The following WNT7A variants were observed in gnomAD, a reference collection of about 807,000 sequenced individuals.
WNT7A encodes the protein Wnt family member 7A.
A neutral mutation model predicts 28.2 loss-of-function variants in WNT7A; 16 were observed. The ratio of observed to expected loss-of-function variants is 0.57; its 90% CI spans 0.38 to 0.86. WNT7A has a LOEUF of 0.86. Ranked by LOEUF, WNT7A falls within the 40% of genes least tolerant of loss-of-function variation. The pLI, the probability that WNT7A is intolerant of heterozygous loss-of-function variation, is 0.00. For missense variants in WNT7A, 411 were observed against 489.7 expected (o/e 0.84, Z 1.52); for synonymous variants, 190 against 195.9 (o/e 0.97, Z 0.25).
chr3:13,863,610 C>T (rs1413025565), intron 2 of WNT7A: 12 of 151,986 alleles, frequency 7.9e-5, no homozygotes, highest in Admixed American at 3.9e-4. Flanking sequence ...AAAATGCAAA[C>T]GAGACAAAAA....
At chr3:13,857,244 A>C (rs1460380685) in intron 2 of WNT7A, among the ~76,000 whole-genome samples, 2 of 152,214 alleles carry the variant, frequency 1.3e-5, no homozygotes, top group African/African-American at 2.4e-5. Flanking sequence ...TGCCAGCAAG[A>C]TAGGTGGGAA....
intron 2 of WNT7A, among the ~76,000 whole-genome samples, chr3:13,865,574 T>G: frequency 6.6e-6 from 1 of 152,148 alleles, no homozygotes; most frequent in Non-Finnish European, 1.5e-5. Flanking sequence ...GTTTTTTATT[T>G]GGGGTGAGAA....
In WNT7A at chr3:13,818,351, C is replaced by CGAAAAAAAAAAAAAAAAAAAAA. The variant is rs575789769; in HGVS notation, c.*592_*593insTTTTTTTTTTTTTTTTTTTTTC. 1.3e-5 allele frequency: 1 copy of CGAAAAAAAAAAAAAAAAAAAAA among 79,954 alleles called. No individual in the cohort carries two copies. The highest frequency in any genetic ancestry group is 2.5e-5 in the Non-Finnish European group (1 of 40,522). The allele number at this position is 79,954 out of a possible 1,614,324, so 5.0% of individuals were successfully genotyped here. ...TTTCTGGATAAGTAGCAGCAAACAG[C>CGAAAAAAAAAAAAAAAAAAAAA]AAAAAAAAAAAAAAAAATGTGTGTG... On this transcript the variant is annotated 3_prime_UTR_variant, in exon 4 of 4. Coordinates refer to ENST00000285018, the MANE Select transcript of WNT7A (RefSeq NM_004625.4).
chr3:13,835,127 A>G (rs1228746552), intron 3 of WNT7A, among the ~76,000 whole-genome samples: 1 of 152,200 alleles, frequency 6.6e-6, no homozygotes, highest in Non-Finnish European at 1.5e-5. Flanking sequence ...AGAAGGAAGC[A>G]GGGAGCAGTC....
Position 13,880,044 on chromosome 3 carries a change from G to A in WNT7A, c.-228C>T, listed in dbSNP as rs1031260370. ...CGAGCGCGGCGTGGGGCGACGCCGG[G>A]CTGCGCGCGAGCGACCGGTGCAAGT... is the stretch of plus-strand genomic sequence containing the variant. On this transcript the variant is annotated 5_prime_UTR_variant, in exon 1 of 4. Transcript: ENST00000285018. The A allele has an allele frequency of 5.7e-6, 2 of 353,320 alleles. No individual in the cohort carries two copies. The highest frequency in any genetic ancestry group is 1.0e-5 in the Non-Finnish European group (2 of 197,690). 21.9% of individuals were successfully genotyped at this position (353,320 alleles called of 1,614,324 possible).
chr3:13,830,382 G>T (rs191635095), intron 3 of WNT7A, among the ~76,000 whole-genome samples: 19 of 152,104 alleles, frequency 1.2e-4, no homozygotes, highest in Non-Finnish European at 7.4e-5. Context: ...ACCAAGTTCC[G>T]CTGGCTTCCT....
intron 3 of WNT7A, among the ~76,000 whole-genome samples, chr3:13,842,199 C>T (rs1158763741): frequency 2.0e-5 from 3 of 152,096 alleles, no homozygotes; most frequent in Non-Finnish European, 4.4e-5. Context: ...GAAAAGCCTG[C>T]AGGGGCCCAA....
intron 2 of WNT7A, among the ~76,000 whole-genome samples, chr3:13,856,899 G>GAAGAAGAAGAAGAAGAAGAAGAAGAAA (rs1694744088): frequency 2.1e-5 from 1 of 46,516 alleles, no homozygotes; most frequent in Non-Finnish European, 4.5e-5. Context: ...AGAAAAAGAA[G>GAAGAAGAAGAAGAAGAAGAAGAAGAAA]AAGAAGAAGA....
Position 13,866,612 on chromosome 3 carries a change from T to C in WNT7A, c.298+8335A>G, listed in dbSNP as rs142957347. On this transcript the variant is annotated intron_variant, in intron 2 of 3. Transcript: ENST00000285018. ...GAGGGGCTGACAGGTGAGTAGAGGA[T>C]AGAAAGACAGAGGGAGCGAGCCAAG... Among the ~76,000 whole-genome samples the C allele has an allele frequency of 8.3e-3, 1,260 of 151,964 alleles. 12 individuals are homozygous for C. Among genetic ancestry groups the C allele is most frequent in the Admixed American group, 0.015 (236 of 15,298 alleles).
At chr3:13,873,092 G>A (rs1197184942) in intron 2 of WNT7A, among the ~76,000 whole-genome samples, 1 of 152,084 alleles carries the variant, frequency 6.6e-6, no homozygotes, top group Non-Finnish European at 1.5e-5. Context: ...AGGCTCACAA[G>A]ACAGATTAAG....
chr3:13,836,959 C>A (rs1023452397), intron 3 of WNT7A, among the ~76,000 whole-genome samples: 5 of 152,208 alleles, frequency 3.3e-5, no homozygotes, highest in African/African-American at 1.2e-4. Context: ...TGAAGGGAGG[C>A]CTAGATGGAA....
chr3:13,830,657 T>G (rs1485835265), intron 3 of WNT7A, among the ~76,000 whole-genome samples: 2 of 152,086 alleles, frequency 1.3e-5, no homozygotes, highest in Non-Finnish European at 2.9e-5. Flanking sequence ...ATGGACCACA[T>G]GGTGGCTGTG....
At chr3:13,874,244 C>T (rs896586826) in intron 2 of WNT7A, among the ~76,000 whole-genome samples, 2 of 152,236 alleles carry the variant, frequency 1.3e-5, no homozygotes, top group African/African-American at 2.4e-5. Flanking sequence ...AGAAGACACA[C>T]AGCACGGCCT....
intron 3 of WNT7A, among the ~76,000 whole-genome samples, chr3:13,828,765 G>C (rs1694236118): frequency 6.6e-6 from 1 of 152,188 alleles, no homozygotes; most frequent in Non-Finnish European, 1.5e-5. Context: ...GGAGTGGTCA[G>C]TTCTGGACTA....
At chr3:13,823,801 G>T (rs988069387) in intron 3 of WNT7A, among the ~76,000 whole-genome samples, 4 of 152,220 alleles carry the variant, frequency 2.6e-5, no homozygotes, top group Non-Finnish European at 5.9e-5. Flanking sequence ...CCTGTGGAAG[G>T]CACTGGCAGG....
chr3:13,875,185 G>C lies in WNT7A; in HGVS notation c.72-12C>G. The C allele has an allele frequency of 6.2e-7, 1 of 1,613,722 alleles. No homozygotes were observed. The highest frequency in any genetic ancestry group is 8.5e-7 in the Non-Finnish European group (1 of 1,179,854). On this transcript the variant is annotated splice_polypyrimidine_tract_variant and intron_variant, in intron 1 of 3. Transcript: ENST00000285018. ...CTGAGGAGAAGCCACTGGAGGGAGA[G>C]ACACAGAGAGATGGAGCATTAGGCC...
chr3:13,866,052 G>A (rs897883873), intron 2 of WNT7A, among the ~76,000 whole-genome samples: 19 of 152,196 alleles, frequency 1.2e-4, no homozygotes, highest in African/African-American at 4.3e-4. Context: ...TGCATATGCA[G>A]GATATGACAG....
chr3:13,877,509 C>G (rs977107695), intron 1 of WNT7A, among the ~76,000 whole-genome samples: 1 of 152,234 alleles, frequency 6.6e-6, no homozygotes, highest in Non-Finnish European at 1.5e-5. Context: ...TCTACACCAG[C>G]TGAGAGTGGA....
intron 2 of WNT7A, among the ~76,000 whole-genome samples, chr3:13,856,893 A>AAAAAGAAGAAGAAG (rs1559303190): frequency 6.8e-5 from 5 of 73,288 alleles, no homozygotes; most frequent in Non-Finnish European, 1.0e-4. Flanking sequence ...AGAAGAAGAA[A>AAAAAGAAGAAGAAG]AAGAAGAAGA....
Sources: gnomAD v4.1 joint callset for allele counts (sites outside exome capture counted in the v4.1 genomes callset) on GRCh38, gnomAD v4.1.1 for gene constraint, MANE v1.5 for transcripts, NCBI Gene and HGNC (gene_info 2026-07-23, HGNC 2026-07-21) for gene names.